PLCH1: variants seen among roughly 807,000 people sequenced by gnomAD.
The protein encoded by PLCH1 is 1-phosphatidylinositol 4,5-bisphosphate phosphodiesterase eta-1.
A neutral mutation model predicts 126.7 loss-of-function variants in PLCH1; 60 were observed. That is an observed-to-expected ratio of 0.47 (90% confidence interval 0.38 to 0.59). The LOEUF (loss-of-function observed/expected upper bound fraction) is 0.59. Among genes scored for constraint, PLCH1 ranks in the 20% least tolerant of loss-of-function variants. The probability of loss-of-function intolerance (pLI) is 0.00; values close to 1 mark genes in which losing one functional copy is unlikely to be tolerated. For missense variants in PLCH1, 1,723 were observed against 2,040.0 expected (o/e 0.84, Z 2.99); for synonymous variants, 719 against 734.9 (o/e 0.98, Z 0.35).
chr3:155,701,960 T>C (rs1746307897), intron 2 of PLCH1, among the ~76,000 whole-genome samples: 1 of 152,220 alleles, frequency 6.6e-6, no homozygotes, highest in Non-Finnish European at 1.5e-5. Flanking sequence ...TATAAATGAA[T>C]AGAATCATTG....
At chr3:155,568,196 A>T in intron 7 of PLCH1, 35 bp downstream of exon 7, 1 of 946,688 alleles carries the variant, frequency 1.1e-6, no homozygotes, top group Non-Finnish European at 1.7e-6. Flanking sequence ...AGGCTGAATC[A>T]AGAAATGAGA....
At chr3:155,467,181 A>T (rs1439595040) in intron 21 of PLCH1, among the ~76,000 whole-genome samples, 1 of 152,070 alleles carries the variant, frequency 6.6e-6, no homozygotes, top group Non-Finnish European at 1.5e-5. Context: ...AAAGAAGACT[A>T]CCTCAAGCCA....
At chr3:155,604,608 A>G (rs1734136884) in intron 2 of PLCH1, among the ~76,000 whole-genome samples, 1 of 152,178 alleles carries the variant, frequency 6.6e-6, no homozygotes, top group African/African-American at 2.4e-5. Context: ...TTTGTATTAA[A>G]CCCTTCCACA....
chr3:155,524,866 A>C (rs1427989592), intron 10 of PLCH1, among the ~76,000 whole-genome samples: 2 of 152,110 alleles, frequency 1.3e-5, no homozygotes, highest in African/African-American at 4.8e-5. Context: ...AAAATAAAAA[A>C]ATTTGCTAGG....
At chr3:155,594,958 C>T (rs185691880) in intron 3 of PLCH1, among the ~76,000 whole-genome samples, 35 of 152,304 alleles carry the variant, frequency 2.3e-4, no homozygotes, top group Non-Finnish European at 4.0e-4. Flanking sequence ...AGCTGAGCTA[C>T]ATGGAACTGG....
At chr3:155,712,290 A>G (rs1183659359) in intron 1 of PLCH1, among the ~76,000 whole-genome samples, 1 of 152,178 alleles carries the variant, frequency 6.6e-6, no homozygotes, top group Non-Finnish European at 1.5e-5. Context: ...TTCCCTAGGG[A>G]TGTGATGCAT....
chr3:155,539,222 C>G (rs548210218), intron 10 of PLCH1, among the ~76,000 whole-genome samples: 1 of 152,050 alleles, frequency 6.6e-6, no homozygotes, highest in Admixed American at 6.5e-5. Flanking sequence ...TGATTAAAAC[C>G]CTCAGCAAAA....
chr3:155,712,747 A>G (rs968335616), intron 1 of PLCH1, among the ~76,000 whole-genome samples: 2 of 151,598 alleles, frequency 1.3e-5, no homozygotes, highest in African/African-American at 4.9e-5. Flanking sequence ...CACTAAATAA[A>G]TAAATAAATA....
At chr3:155,648,943 A>G (rs1213437151) in intron 2 of PLCH1, among the ~76,000 whole-genome samples, 1 of 152,232 alleles carries the variant, frequency 6.6e-6, no homozygotes, top group East Asian at 1.9e-4. Flanking sequence ...GAGGGGAGGC[A>G]GGGCCAACGA....
chr3:155,493,011 C>T (rs1716481985), intron 17 of PLCH1, among the ~76,000 whole-genome samples, 158 bp from the exon 18 acceptor site: 1 of 152,224 alleles, frequency 6.6e-6, no homozygotes, highest in Non-Finnish European at 1.5e-5. Context: ...CATTAGAAAC[C>T]ATGTTGCCAA....
intron 21 of PLCH1, among the ~76,000 whole-genome samples, chr3:155,451,778 A>G (rs1241475736): frequency 1.3e-5 from 2 of 152,210 alleles, no homozygotes; most frequent in African/African-American, 4.8e-5. Flanking sequence ...CTGTGACAGA[A>G]GTCTTCTGCT....
chr3:155,558,663 G>A (rs977237979), intron 8 of PLCH1, among the ~76,000 whole-genome samples: 1 of 152,132 alleles, frequency 6.6e-6, no homozygotes, highest in East Asian at 1.9e-4. Context: ...GTGAAGAAGG[G>A]ACAGAGTAGG....
chr3:155,615,378 A>G (rs1267793923), intron 2 of PLCH1, among the ~76,000 whole-genome samples: 1 of 152,128 alleles, frequency 6.6e-6, no homozygotes, highest in Admixed American at 6.5e-5. Flanking sequence ...CAGTGTGGAG[A>G]TTCCTTAAAG....
chr3:155,731,762 A>G (rs533626426), intron 1 of PLCH1, among the ~76,000 whole-genome samples: 1 of 152,236 alleles, frequency 6.6e-6, no homozygotes, highest in African/African-American at 2.4e-5. Context: ...GCAAGCATAT[A>G]ACTTGAATTC....
At chr3:155,682,636 G>T (rs73876915) in intron 2 of PLCH1, among the ~76,000 whole-genome samples, 1 of 152,182 alleles carries the variant, frequency 6.6e-6, no homozygotes. Context: ...AGAGGAAGCT[G>T]AGCCTCAGCA....
At chr3:155,631,748 A>G (rs564414276) in intron 2 of PLCH1, among the ~76,000 whole-genome samples, 86 of 152,334 alleles carry the variant, frequency 5.6e-4, no homozygotes, top group Non-Finnish European at 1.0e-3. Flanking sequence ...CATCTTCTTT[A>G]AATCTCAAAG....
At chr3:155,565,702 A>T (rs11927963) in intron 7 of PLCH1, among the ~76,000 whole-genome samples, 12,729 of 43,582 alleles carry the variant, frequency 0.29, 1,394 homozygotes, top group African/African-American at 0.41. Flanking sequence ...TTATTTATTT[A>T]TTTTTTTTTT....
rs139500211 is a variant in PLCH1, at chr3:155,726,637, T to C, written c.-41+18203A>G. Reference sequence around the variant, plus strand: ...GCCATTATCTCTTTAAATGTTGCCTTTTCCAATTTTCTTTCCTCTCTTCTT... The same window carrying C: ...GCCATTATCTCTTTAAATGTTGCCTCTTCCAATTTTCTTTCCTCTCTTCTT... On this transcript the variant is annotated intron_variant, in intron 1 of 22. Transcript: ENST00000460012. Among the ~76,000 whole-genome samples, 56 of 152,142 alleles carry C rather than the reference T, an allele frequency of 3.7e-4. 2 individuals carry two copies. The East Asian group carries it at 9.6e-3, about 26-fold the overall frequency.
chr3:155,490,184 G>A (rs1576809928), intron 19 of PLCH1, among the ~76,000 whole-genome samples: 1 of 151,988 alleles, frequency 6.6e-6, no homozygotes, highest in Non-Finnish European at 1.5e-5. Flanking sequence ...AGGAAAAATA[G>A]GTATACAATA....
Sources: gnomAD v4.1 joint callset for allele counts (sites outside exome capture counted in the v4.1 genomes callset) on GRCh38, gnomAD v4.1.1 for gene constraint, MANE v1.5 for transcripts, NCBI Gene and HGNC (gene_info 2026-07-23, HGNC 2026-07-21) for gene names.